Variants in DTX1 observed in about 807,000 individuals in gnomAD.
DTX1 encodes E3 ubiquitin-protein ligase DTX1.
DTX1 carries 26 observed loss-of-function variants against 57.8 expected under a neutral mutation model. That is an observed-to-expected ratio of 0.45 (90% CI 0.33 to 0.62). The LOEUF (loss-of-function observed/expected upper bound fraction) is 0.62, where lower values mean the gene tolerates loss of function less well. Among genes scored for constraint, DTX1 ranks in the 20% least tolerant of loss-of-function variants. The pLI, the probability that DTX1 is intolerant of heterozygous loss-of-function variation, is 0.02. For synonymous variants in DTX1, 398 were observed against 394.1 expected (o/e 1.01, Z -0.12); for missense variants, 704 against 895.3 (o/e 0.79, Z 2.73).
chr12:113,094,474 A>T (rs1950270912), intron 6 of DTX1, among the ~76,000 whole-genome samples: 1 of 152,186 alleles, frequency 6.6e-6, no homozygotes, highest in Non-Finnish European at 1.5e-5. Context: ...GCTACGTAGG[A>T]GGCTGAGGCA....
Position 113,093,673 on chromosome 12 carries a change from A to C in DTX1, c.1138A>C (p.Lys380Gln), listed in dbSNP as rs1475813306. ...PVPGVPGVCRKTKKKHLKKSK... is the reference protein window; with the variant it reads ...PVPGVPGVCRQTKKKHLKKSK... ...GCCTGGCGTGCCCGGGGTGTGCCGCAAGACCAAGAAGAAGCACCTTAAAAA... is the reference window on the plus strand; with the variant it reads ...GCCTGGCGTGCCCGGGGTGTGCCGCCAGACCAAGAAGAAGCACCTTAAAAA... The change falls in exon 5 of 10, where the codon AAG (lysine) becomes CAG (glutamine). Residue 380 changes from lysine (K) to glutamine (Q), a missense_variant. By Grantham distance (53) the Lys-to-Gln change is moderately conservative (BLOSUM62 1). Around this residue, in one of 3 missense-constraint regions of DTX1, gnomAD observed 299 missense variants for 311.2 expected, o/e 0.96. Coordinates refer to ENST00000548759, the MANE Select transcript of DTX1 (RefSeq NM_004416.3). The surrounding 1 kb of genome is among the most constrained non-coding windows in gnomAD (Gnocchi z 4.2). 1 of 1,613,614 alleles carries C rather than the reference A, an allele frequency of 6.2e-7. No individual in the cohort carries two copies. Among genetic ancestry groups the C allele is most frequent in the East Asian group, 2.2e-5 (1 of 44,890 alleles).
At chr12:113,072,696 C>CTTTTTTTT (rs60642403) in intron 2 of DTX1, among the ~76,000 whole-genome samples, 22 of 71,102 alleles carry the variant, frequency 3.1e-4, no homozygotes, top group African/African-American at 8.3e-4. Context: ...GAGAGATTTT[C>CTTTTTTTT]TTTTTTTTTT....
At chr12:113,063,969 C>G (rs999792702) in intron 2 of DTX1, among the ~76,000 whole-genome samples, 4 of 152,242 alleles carry the variant, frequency 2.6e-5, no homozygotes, top group African/African-American at 9.6e-5. Context: ...GCCCCCCAGA[C>G]AGGCCTTAGG....
chr12:113,065,732 G>A (rs1008448256), intron 2 of DTX1, among the ~76,000 whole-genome samples: 2 of 152,102 alleles, frequency 1.3e-5, no homozygotes, highest in Non-Finnish European at 2.9e-5. Flanking sequence ...GGAGTGAAGC[G>A]TGAGGGGTTG....
Position 113,097,861 on chromosome 12 carries a change from C to T in DTX1, c.*922C>T, listed in dbSNP as rs900728951. ...AGTGGGCAGTGGGGTGGCTAATTGTCTTCGGCCAACCAGGGGCCTGTTGCC... is the reference window on the plus strand; with the variant it reads ...AGTGGGCAGTGGGGTGGCTAATTGTTTTCGGCCAACCAGGGGCCTGTTGCC... On this transcript the variant is annotated 3_prime_UTR_variant, in exon 10 of 10. Coordinates refer to ENST00000548759, the MANE Select transcript of DTX1 (RefSeq NM_004416.3). 6.5e-6 allele frequency: 1 copy of T among 152,728 alleles called. No individual in the cohort carries two copies. The highest frequency in any genetic ancestry group is 1.5e-5 in the Non-Finnish European group (1 of 68,084). 9.5% of individuals were successfully genotyped at this position (152,728 alleles called of 1,614,324 possible). A position where few individuals can be genotyped will look rare whatever the true frequency, so the allele number is the denominator to read the frequency against.
At chr12:113,084,028 A>G (rs983976624) in intron 3 of DTX1, among the ~76,000 whole-genome samples, 2 of 152,242 alleles carry the variant, frequency 1.3e-5, no homozygotes, top group African/African-American at 2.4e-5. Flanking sequence ...CTCACCTCCA[A>G]CCTCATCTCA....
At chr12:113,063,625 C>G (rs781419270) in intron 2 of DTX1, among the ~76,000 whole-genome samples, 3 of 152,246 alleles carry the variant, frequency 2.0e-5, no homozygotes, top group South Asian at 4.1e-4. Flanking sequence ...AGATGCCATA[C>G]CCGAGGCTGC....
rs567253014 is a variant in DTX1 at position 113,080,132 on chromosome 12, C to T, written c.941+2027C>T. Among the ~76,000 whole-genome samples the T allele has an allele frequency of 3.3e-5, 5 of 152,284 alleles. No individual in the cohort carries two copies. The East Asian group carries it at 5.8e-4, about 18-fold the overall frequency. On this transcript the variant is annotated intron_variant, in intron 3 of 9. Coordinates refer to ENST00000548759, the MANE Select transcript of DTX1 (RefSeq NM_004416.3). ...CACCTGCCTGCCTGGTCATTCCTCT[C>T]GGAGGAGAGGGTCATGGGGACAAAC... is the stretch of plus-strand genomic sequence containing the variant.
intron 2 of DTX1, among the ~76,000 whole-genome samples, chr12:113,074,615 A>G (rs887131502): frequency 1.3e-5 from 2 of 152,220 alleles, no homozygotes; most frequent in Non-Finnish European, 2.9e-5. Context: ...AAGGATTTTG[A>G]GCAGAGGAAA....
At chr12:113,072,696 CTT>C (rs60642403) in intron 2 of DTX1, among the ~76,000 whole-genome samples, 16 of 71,108 alleles carry the variant, frequency 2.3e-4, no homozygotes, top group Admixed American at 7.4e-4. Flanking sequence ...GAGAGATTTT[CTT>C]TTTTTTTTTT....
chr12:113,065,684 T>A (rs947480806), intron 2 of DTX1, among the ~76,000 whole-genome samples: 3 of 151,738 alleles, frequency 2.0e-5, no homozygotes, highest in African/African-American at 7.3e-5. Flanking sequence ...AAGTGACAGG[T>A]AGCGGGGCTG....
Position 113,058,446 on chromosome 12 carries a change from A to C in DTX1, c.254A>C (p.Asp85Ala). 1 of 1,598,840 alleles carries C rather than the reference A, an allele frequency of 6.3e-7. No individual in the cohort carries two copies. Among genetic ancestry groups the C allele is most frequent in the Non-Finnish European group, 8.5e-7 (1 of 1,177,604 alleles). ...DLQSMHQFRQ[D>A]TGTMRPVRRN... Reference sequence around the variant, plus strand: ...CAGTCCATGCACCAGTTTCGCCAGGACACAGGTGAGCAGACACCCACCCCA... The same window carrying C: ...CAGTCCATGCACCAGTTTCGCCAGGCCACAGGTGAGCAGACACCCACCCCA... The change falls in exon 2 of 10, where the codon GAC becomes GCC. Residue 85 changes from aspartate (D) to alanine (A), a missense_variant. Around this residue, in one of 3 missense-constraint regions of DTX1, gnomAD observed 237 missense variants for 328.6 expected, o/e 0.72. Coordinates refer to ENST00000548759, the MANE Select transcript of DTX1 (RefSeq NM_004416.3).
Position 113,056,806 on chromosome 12 carries a change from G to C in DTX1, c.-883G>C, listed in dbSNP as rs536628526. The C allele has an allele frequency of 6.5e-5, 9 of 139,212 alleles. No individual in the cohort carries two copies. The highest frequency in any genetic ancestry group is 4.1e-4 in the Admixed American group (6 of 14,678). 8.6% of individuals were successfully genotyped at this position (139,212 alleles called of 1,614,324 possible). A position where few individuals can be genotyped will look rare whatever the true frequency, so the allele number is the denominator to read the frequency against. On this transcript the variant is annotated 5_prime_UTR_variant, in exon 1 of 10. Coordinates refer to ENST00000548759, the MANE Select transcript of DTX1 (RefSeq NM_004416.3). The stretch of plus-strand genomic sequence containing the variant: ...CGGGCAGTCTGTCCACGCGCGGAAA[G>C]CTCGGCGCGGCGGCCGAGGGGCCTG...
At chr12:113,081,622 G>A (rs1404373700) in intron 3 of DTX1, among the ~76,000 whole-genome samples, 1 of 152,162 alleles carries the variant, frequency 6.6e-6, no homozygotes, top group Non-Finnish European at 1.5e-5. Flanking sequence ...CTCTGAGGAG[G>A]TGGCCAGATG....
chr12:113,077,595 C>A lies in DTX1; in HGVS notation c.431C>A (p.Ser144Ter). The change falls in exon 3 of 10, where the codon TCG becomes TAG. Residue 144 changes from serine to a stop codon, truncating the protein, a stop_gained. Coordinates refer to ENST00000548759, the MANE Select transcript of DTX1 (RefSeq NM_004416.3). LOFTEE classifies it high-confidence loss of function. This position sits in a 1 kb window ranked among gnomAD's most constrained non-coding sequence, Gnocchi z 7.8. Reference sequence around the variant, plus strand: ...CAGCACCCGTGGCTCGACCTCTCATCGCTAGGCTTCTGCTACCTCATCTAC... The same window carrying A: ...CAGCACCCGTGGCTCGACCTCTCATAGCTAGGCTTCTGCTACCTCATCTAC... ...EKQHPWLDLS[S>*]LGFCYLIYFN... 6.2e-7 allele frequency: 1 copy of A among 1,613,584 alleles called. No homozygotes were observed. Among genetic ancestry groups the A allele is most frequent in the Non-Finnish European group, 8.5e-7 (1 of 1,179,914 alleles).
At chr12:113,086,393 C>T (rs2044857384) in intron 3 of DTX1, among the ~76,000 whole-genome samples, 1 of 152,092 alleles carries the variant, frequency 6.6e-6, no homozygotes, top group Non-Finnish European at 1.5e-5. Context: ...TGGAGAGGCT[C>T]AGGGCAATCG....
chr12:113,057,163 G>A (rs2044630293), intron 1 of DTX1, among the ~76,000 whole-genome samples: 1 of 152,032 alleles, frequency 6.6e-6, no homozygotes, highest in Admixed American at 6.5e-5. Context: ...GCGCACCCCA[G>A]CGCACCCGGC....
At chr12:113,083,768 C>T (rs2044835262) in intron 3 of DTX1, among the ~76,000 whole-genome samples, 1 of 152,292 alleles carries the variant, frequency 6.6e-6, no homozygotes, top group South Asian at 2.1e-4. Flanking sequence ...TCTGCCTTTT[C>T]CTCTTAGTCA....
At chr12:113,079,725 T>TGTGTGC (rs1555233530) in intron 3 of DTX1, among the ~76,000 whole-genome samples, 1 of 150,852 alleles carries the variant, frequency 6.6e-6, no homozygotes, top group Non-Finnish European at 1.5e-5. Context: ...TGTGTGTGTG[T>TGTGTGC]GTGTGTGTGT....
Sources: gnomAD v4.1 joint callset for allele counts (sites outside exome capture counted in the v4.1 genomes callset) on GRCh38, gnomAD v4.1.1 for gene constraint, gnomAD v4.1.1 regional missense constraint, Gnocchi (gnomAD v3.1) non-coding constraint, MANE v1.5 for transcripts, NCBI Gene and HGNC (gene_info 2026-07-23, HGNC 2026-07-21) for gene names.